SPECC1: variants seen among roughly 807,000 people sequenced by gnomAD.
The protein encoded by SPECC1 is cytospin-B.
SPECC1 carries 62 observed loss-of-function variants against 104.1 expected under a neutral mutation model. The ratio of observed to expected loss-of-function variants is 0.60; its 90% CI spans 0.49 to 0.74. SPECC1 has a LOEUF of 0.74. Ranked by LOEUF, SPECC1 falls within the 30% of genes least tolerant of loss-of-function variation. The probability of loss-of-function intolerance (pLI) is 0.00; values close to 1 mark genes in which losing one functional copy is unlikely to be tolerated. For missense variants in SPECC1, 1,306 were observed against 1,310.5 expected, an observed-to-expected ratio of 1.00 and a Z score of 0.05; for synonymous variants, 513 against 501.6, an observed-to-expected ratio of 1.02 and a Z score of -0.30.
At chr17:20,033,773 C>T (rs2044930017) in intron 1 of SPECC1, among the ~76,000 whole-genome samples, 1 of 152,178 alleles carries the variant, frequency 6.6e-6, no homozygotes, top group Non-Finnish European at 1.5e-5. Context: ...ACCTCCAGTA[C>T]TGGGGAACAA....
chr17:20,308,049 C>T (rs1257725718), intron 14 of SPECC1, among the ~76,000 whole-genome samples: 1 of 152,110 alleles, frequency 6.6e-6, no homozygotes, highest in Non-Finnish European at 1.5e-5. Flanking sequence ...TAAAGATGTT[C>T]AATCTCATTA....
At chr17:20,240,930 A>G (rs1032636486) in intron 7 of SPECC1, among the ~76,000 whole-genome samples, 7 of 152,186 alleles carry the variant, frequency 4.6e-5, no homozygotes, top group African/African-American at 1.7e-4. Flanking sequence ...TTCACTTTGT[A>G]TTATGAACTG....
intron 13 of SPECC1, among the ~76,000 whole-genome samples, chr17:20,300,185 A>C (rs1471985635): frequency 1.3e-5 from 2 of 152,214 alleles, no homozygotes; most frequent in Non-Finnish European, 2.9e-5. Context: ...GGGAGGACCG[A>C]GGAACACACC....
At chr17:20,254,152 T>C (rs879450084) in intron 10 of SPECC1, among the ~76,000 whole-genome samples, 220 of 150,852 alleles carry the variant, frequency 1.5e-3, no homozygotes, top group Middle Eastern at 6.8e-3. Flanking sequence ...TGTGTGTGTG[T>C]GTGTGTGTGT....
intron 12 of SPECC1, among the ~76,000 whole-genome samples, chr17:20,275,169 G>C (rs2040534922): frequency 6.6e-6 from 1 of 152,016 alleles, no homozygotes; most frequent in Non-Finnish European, 1.5e-5. Flanking sequence ...TTTACTAGTA[G>C]GGGAACATTT....
At chr17:20,020,016 C>T (rs1340540430) in intron 1 of SPECC1, among the ~76,000 whole-genome samples, 6 of 152,184 alleles carry the variant, frequency 3.9e-5, no homozygotes, top group Admixed American at 3.9e-4. Flanking sequence ...ATGCATAGAG[C>T]TGGTGCCTAT....
chr17:20,247,410 A>G (rs962904035), intron 9 of SPECC1, 91 bp downstream of exon 9: 29 of 827,690 alleles, frequency 3.5e-5, no homozygotes, highest in Admixed American at 4.4e-5. Flanking sequence ...CCGTGTGTGT[A>G]TGTGTGTGTG....
At chr17:20,192,648 C>T (rs2035749603) in intron 3 of SPECC1, among the ~76,000 whole-genome samples, 1 of 152,216 alleles carries the variant, frequency 6.6e-6, no homozygotes, top group African/African-American at 2.4e-5. Flanking sequence ...TCTGCTTTCT[C>T]TTCTACCTCC....
At chr17:20,028,725 T>A (rs2152439586) in intron 1 of SPECC1, among the ~76,000 whole-genome samples, 1 of 152,038 alleles carries the variant, frequency 6.6e-6, no homozygotes, top group Non-Finnish European at 1.5e-5. Context: ...AATTTTAGAA[T>A]AATCTTTTCA....
In SPECC1 at chr17:20,204,888, C is replaced by G. The variant is rs757827778; in HGVS notation, c.839C>G (p.Thr280Ser). The G allele has an allele frequency of 8.7e-6, 14 of 1,614,046 alleles. No homozygotes were observed. The highest frequency in any genetic ancestry group is 5.0e-5 in the Admixed American group (3 of 60,012). The change falls in exon 4 of 15, where the codon ACT becomes AGT. Residue 280 changes from threonine (T) to serine (S), a missense_variant. Transcript: ENST00000395527. ...TGDSSCPTSI[T>S]QESSFGSPTG... ...GACAGCAGCTGCCCAACATCCATAACTCAAGAGTCAAGCTTCGGAAGCCCA... is the reference window on the plus strand; with the variant it reads ...GACAGCAGCTGCCCAACATCCATAAGTCAAGAGTCAAGCTTCGGAAGCCCA...
At chr17:20,218,751 A>G (rs1380273885) in intron 4 of SPECC1, among the ~76,000 whole-genome samples, 1 of 152,168 alleles carries the variant, frequency 6.6e-6, no homozygotes, top group Admixed American at 6.5e-5. Context: ...GTCAAATAAT[A>G]GGTTTTATTA....
intron 7 of SPECC1, among the ~76,000 whole-genome samples, chr17:20,233,821 C>T (rs2526474): frequency 0.71 from 107,826 of 152,194 alleles, 39,996 homozygotes; most frequent in East Asian, 0.99. Flanking sequence ...GCTTTTGTTT[C>T]GTTTGCCTCT....
At chr17:20,149,157 T>C (rs962476890) in intron 3 of SPECC1, among the ~76,000 whole-genome samples, 1 of 152,192 alleles carries the variant, frequency 6.6e-6, no homozygotes, top group African/African-American at 2.4e-5. Flanking sequence ...TGTTGAACAT[T>C]GTAGGTTTTT....
chr17:20,268,382 G>T (rs1196074575), intron 12 of SPECC1, among the ~76,000 whole-genome samples: 12 of 152,196 alleles, frequency 7.9e-5, no homozygotes, highest in Non-Finnish European at 1.5e-4. Flanking sequence ...AACTTCTGTT[G>T]TTCTGTCTCT....
chr17:20,181,829 G>T (rs1035967478), intron 3 of SPECC1, among the ~76,000 whole-genome samples: 1 of 151,948 alleles, frequency 6.6e-6, no homozygotes, highest in Non-Finnish European at 1.5e-5. Context: ...AGGACATAAA[G>T]TGAATAAATA....
At chr17:20,014,646 A>G (rs919478374) in intron 1 of SPECC1, among the ~76,000 whole-genome samples, 3 of 152,224 alleles carry the variant, frequency 2.0e-5, no homozygotes, top group Admixed American at 2.0e-4. Context: ...TCTAGGAAGA[A>G]GTGCACGCGT....
At chr17:20,037,805 A>G (rs563915386) in intron 1 of SPECC1, among the ~76,000 whole-genome samples, 1 of 152,286 alleles carries the variant, frequency 6.6e-6, no homozygotes, top group East Asian at 1.9e-4. Flanking sequence ...CACAGTACAT[A>G]CATCTCTTTA....
chr17:20,223,700 CTT>C (rs929441062), intron 4 of SPECC1, among the ~76,000 whole-genome samples: 2 of 151,982 alleles, frequency 1.3e-5, no homozygotes, highest in Non-Finnish European at 2.9e-5. Context: ...ATTTCAATCT[CTT>C]TATTAAATAT....
chr17:20,113,423 A>G (rs2048592514), intron 3 of SPECC1, among the ~76,000 whole-genome samples: 1 of 152,176 alleles, frequency 6.6e-6, no homozygotes, highest in African/African-American at 2.4e-5. Flanking sequence ...TTTAAATTGT[A>G]AAAACTTTAC....
Sources: gnomAD v4.1 joint callset for allele counts (sites outside exome capture counted in the v4.1 genomes callset) on GRCh38, gnomAD v4.1.1 for gene constraint, MANE v1.5 for transcripts, NCBI Gene and HGNC (gene_info 2026-07-23, HGNC 2026-07-21) for gene names.